Variants in PCDHGB3 observed in about 807,000 individuals in gnomAD.
PCDHGB3 encodes protocadherin gamma subfamily B, 3.
In PCDHGB3, 40 loss-of-function variants were observed where a neutral mutation model predicts 59.2. The observed-to-expected ratio is 0.68, with a 90% CI of 0.52 to 0.88. The LOEUF (loss-of-function observed/expected upper bound fraction) is 0.88. Among genes scored for constraint, PCDHGB3 ranks in the 40% least tolerant of loss-of-function variants. The probability of loss-of-function intolerance (pLI) is 0.00; values close to 1 mark genes in which losing one functional copy is unlikely to be tolerated. For missense variants in PCDHGB3, 1,309 were observed against 1,187.9 expected (o/e 1.10, Z -1.50); for synonymous variants, 581 against 503.6 (o/e 1.15, Z -2.06).
At chr5:141,402,788 C>A in intron 1 of PCDHGB3, 1 of 937,148 alleles carries the variant, frequency 1.1e-6, no homozygotes, top group Non-Finnish European at 1.5e-6. Flanking sequence ...AGTTCTGCGG[C>A]TACACAAAAC....
chr5:141,404,171 G>A (rs532466154), intron 1 of PCDHGB3: 1 of 1,612,734 alleles, frequency 6.2e-7, no homozygotes, highest in South Asian at 1.1e-5. Flanking sequence ...ATTGTTGACG[G>A]CCCAAATTCT....
intron 1 of PCDHGB3, among the ~76,000 whole-genome samples, chr5:141,469,134 G>T (rs2099192163): frequency 6.6e-6 from 1 of 151,944 alleles, no homozygotes; most frequent in Non-Finnish European, 1.5e-5. Context: ...AAATTAGCCA[G>T]AAATGGTGGC....
At chr5:141,382,993 C>G (rs762865747) in intron 1 of PCDHGB3, 2 of 1,613,542 alleles carry the variant, frequency 1.2e-6, no homozygotes, top group East Asian at 2.2e-5. Context: ...AGGACGTATT[C>G]TCTACTCCGT....
In PCDHGB3 at chr5:141,371,913, G is replaced by C; in HGVS notation, c.1519G>C (p.Val507Leu). 1 of 1,613,394 alleles carries C rather than the reference G, an allele frequency of 6.2e-7. No homozygotes were observed. Among genetic ancestry groups the C allele is most frequent in the African/African-American group, 1.3e-5 (1 of 75,086 alleles). The change falls in exon 1 of 4, where the codon GTG becomes CTG. Residue 507 changes from valine to leucine, a missense_variant. Transcript: ENST00000576222. ...EPRELSSYVS[V>L]SARSGVVFAQ... ...GCGGGAGCTGTCGTCCTACGTGTCC[G>C]TGAGCGCGCGGAGCGGGGTGGTGTT...
intron 1 of PCDHGB3, among the ~76,000 whole-genome samples, chr5:141,469,304 C>T (rs890230691): frequency 2.0e-5 from 3 of 151,892 alleles, no homozygotes; most frequent in East Asian, 1.9e-4. Flanking sequence ...AGACTGGGCA[C>T]GATGGCTCAC....
rs759945612 is a variant in PCDHGB3 at position 141,409,754 on chromosome 5, C to T, written c.2415+36945C>T. ...GCAGAGCGGGGTGGTGTTCGCGCAG[C>T]GCGCCTTTGATCACGAGCAGCTGCG... On this transcript the variant is annotated intron_variant, in intron 1 of 3. Coordinates refer to ENST00000576222, the MANE Select transcript of PCDHGB3 (RefSeq NM_018924.5). 3 of 1,612,880 alleles carry T rather than the reference C, an allele frequency of 1.9e-6. No individual in the cohort carries two copies. In the Admixed American group the frequency reaches 5.0e-5, roughly 27 times the overall value.
intron 1 of PCDHGB3, among the ~76,000 whole-genome samples, chr5:141,457,854 C>A (rs2098930903): frequency 6.6e-6 from 1 of 152,234 alleles, no homozygotes; most frequent in African/African-American, 2.4e-5. Flanking sequence ...AAGTGACATT[C>A]TTCACTGACC....
chr5:141,443,827 G>A (rs1425599112), intron 1 of PCDHGB3, among the ~76,000 whole-genome samples: 1 of 152,054 alleles, frequency 6.6e-6, no homozygotes, highest in African/African-American at 2.4e-5. Context: ...ACATAATTAG[G>A]TAAAATGGGT....
intron 1 of PCDHGB3, chr5:141,391,631 G>C (rs913626630): frequency 6.6e-6 from 1 of 152,170 alleles, no homozygotes; most frequent in African/African-American, 2.4e-5. Flanking sequence ...GAAAGTTTTA[G>C]TCAGTGAAAA....
chr5:141,408,125 C>T, intron 1 of PCDHGB3: 1 of 1,478,650 alleles, frequency 6.8e-7, no homozygotes, highest in South Asian at 1.4e-5. Context: ...CTGTCCTGGG[C>T]CGAATGCTCT....
chr5:141,440,035 C>T, intron 1 of PCDHGB3: 1 of 153,140 alleles, frequency 6.5e-6, no homozygotes, highest in East Asian at 1.9e-4. Flanking sequence ...GTGTCGAGGA[C>T]ATGCCCACTT....
At position 141,487,666 on chromosome 5, in the gene PCDHGB3, C is replaced by T. The variant is rs2099657736; in HGVS notation, c.2416-7141C>T. 1 of 1,612,838 alleles carries T rather than the reference C, an allele frequency of 6.2e-7. No homozygotes were observed. Among genetic ancestry groups the T allele is most frequent in the South Asian group, 1.1e-5 (1 of 90,712 alleles). Reference sequence around the variant, plus strand: ...TGCTTGAGGGTTATTCTGATCCAGGCATATGGCTAGGCCATGTCCTAGAGA... The same window carrying T: ...TGCTTGAGGGTTATTCTGATCCAGGTATATGGCTAGGCCATGTCCTAGAGA... On this transcript the variant is annotated intron_variant, in intron 1 of 3. Coordinates refer to ENST00000576222, the MANE Select transcript of PCDHGB3 (RefSeq NM_018924.5). This position sits in a 1 kb window ranked among gnomAD's most constrained non-coding sequence, Gnocchi z 5.0.
chr5:141,415,119 G>A, intron 1 of PCDHGB3: 1 of 1,613,666 alleles, frequency 6.2e-7, no homozygotes, highest in African/African-American at 1.3e-5. Flanking sequence ...GCCTCGTAGT[G>A]GCCGTCCAGG....
chr5:141,491,685 G>A lies in PCDHGB3; in HGVS notation c.2416-3122G>A. 1 of 1,613,164 alleles carries A rather than the reference G, an allele frequency of 6.2e-7. No individual in the cohort carries two copies. The highest frequency in any genetic ancestry group is 8.5e-7 in the Non-Finnish European group (1 of 1,179,646). On this transcript the variant is annotated intron_variant, in intron 1 of 3. Transcript: ENST00000576222. The surrounding 1 kb of genome is among the most constrained non-coding windows in gnomAD (Gnocchi z 6.9). ...CCATCCGGTCCCGCTCTAATACGCTGCGGGAGCGGAGCCAGGTGAGGGGCT... is the reference window on the plus strand; with the variant it reads ...CCATCCGGTCCCGCTCTAATACGCTACGGGAGCGGAGCCAGGTGAGGGGCT...
intron 1 of PCDHGB3, chr5:141,430,625 G>T: frequency 1.3e-6 from 1 of 788,104 alleles, no homozygotes; most frequent in Non-Finnish European, 1.9e-6. Context: ...AGCTAGGAAT[G>T]AACCATCCCT....
rs750687055 is a variant in PCDHGB3 at position 141,383,137 on chromosome 5, C to G, written c.2415+10328C>G. The G allele has an allele frequency of 2.5e-5, 40 of 1,613,994 alleles. No individual in the cohort carries two copies. In the Admixed American group the frequency reaches 3.2e-4, roughly 13 times the overall value. On this transcript the variant is annotated intron_variant, in intron 1 of 3. Transcript: ENST00000576222. Reference sequence around the variant, plus strand: ...GACGCAGCTTTTCGCCCTGAACCAGCGCAGCGGCAGCTTGGTCACTGCGGG... The same window carrying G: ...GACGCAGCTTTTCGCCCTGAACCAGGGCAGCGGCAGCTTGGTCACTGCGGG...
intron 1 of PCDHGB3, chr5:141,384,422 A>C: frequency 6.2e-7 from 1 of 1,613,924 alleles, no homozygotes; most frequent in Non-Finnish European, 8.5e-7. Flanking sequence ...GTCTCCATAA[A>C]CTCTGACACT....
At chr5:141,390,355 T>C in intron 1 of PCDHGB3, 1 of 1,554,132 alleles carries the variant, frequency 6.4e-7, no homozygotes, top group Non-Finnish European at 8.8e-7. Flanking sequence ...AATATACATA[T>C]TTGCAGGAAA....
At chr5:141,457,500 A>G (rs1483244745) in intron 1 of PCDHGB3, among the ~76,000 whole-genome samples, 1 of 152,244 alleles carries the variant, frequency 6.6e-6, no homozygotes, top group African/African-American at 2.4e-5. Context: ...AAATGTAGGC[A>G]AAAAGCTTAA....
Sources: allele counts gnomAD v4.1 joint callset (sites outside exome capture counted in the v4.1 genomes callset), GRCh38; gene constraint gnomAD v4.1.1; non-coding constraint Gnocchi (gnomAD v3.1); transcripts MANE v1.5; gene names NCBI Gene and HGNC (gene_info 2026-07-23, HGNC 2026-07-21).